CELF2: variants seen among roughly 807,000 people sequenced by gnomAD.
CELF2 encodes CUGBP Elav-like family member 2.
Under a neutral mutation model 62.6 loss-of-function variants are expected in CELF2, and 8 were observed. The ratio of observed to expected loss-of-function variants is 0.13; its 90% confidence interval spans 0.07 to 0.23. CELF2 has a LOEUF of 0.23. Ranked by LOEUF, CELF2 falls within the 10% of genes least tolerant of loss-of-function variation. The pLI, the probability that CELF2 is intolerant of heterozygous loss-of-function variation, is 1.00. For missense variants in CELF2, 333 were observed against 671.0 expected, an observed-to-expected ratio of 0.50 and a Z score of 5.56; for synonymous variants, 258 against 250.0, an observed-to-expected ratio of 1.03 and a Z score of -0.30.
intron 11 of CELF2, among the ~76,000 whole-genome samples, chr10:11,323,424 AAATAATAATAAT>A (rs57666869): frequency 2.0e-3 from 285 of 141,642 alleles, no homozygotes; most frequent in African/African-American, 5.9e-3. Context: ...GGCAGAGCAA[AAATAATAATAAT>A]AATAATAATA....
chr10:11,280,433 C>T lies in CELF2; in HGVS notation c.841+5313C>T, dbSNP rs1333060128. Among the ~76,000 whole-genome samples, 2 of 152,172 alleles carry T rather than the reference C, an allele frequency of 1.3e-5. No individual in the cohort carries two copies. Among genetic ancestry groups the T allele is most frequent in the Non-Finnish European group, 2.9e-5 (2 of 68,030 alleles). The stretch of plus-strand genomic sequence containing the variant: ...CCTTTCCCCAAAACCGTTTCTCCCC[C>T]GCATAGGAGGGGAAGGCAGGCAGGT... On this transcript the variant is annotated intron_variant, in intron 8 of 12. Transcript: ENST00000633077. This position sits in a 1 kb window ranked among gnomAD's most constrained non-coding sequence, Gnocchi z 7.6.
chr10:10,946,170 T>A (rs1311648653), intron 2 of CELF2: 1 of 152,570 alleles, frequency 6.6e-6, no homozygotes, highest in Non-Finnish European at 1.5e-5. Flanking sequence ...TTAAAACAGG[T>A]GGCTGTCATT....
rs1173937159 is a variant in CELF2, at chr10:11,211,590, T to G, written c.272-5835T>G. 2.0e-5 allele frequency among the ~76,000 whole-genome samples: 3 copies of G among 152,190 alleles called. No homozygotes were observed. Among genetic ancestry groups the G allele is most frequent in the African/African-American group, 7.2e-5 (3 of 41,446 alleles). On this transcript the variant is annotated intron_variant, in intron 2 of 12. Coordinates refer to ENST00000633077, the MANE Select transcript of CELF2 (RefSeq NM_001326342.2). This position sits in a 1 kb window ranked among gnomAD's most constrained non-coding sequence, Gnocchi z 4.8. ...AGTACATTTTTTTTTCCTGTGAGTA[T>G]TATTACCCAGAGTTTCCAAGTAAAG...
chr10:10,798,143 T>A (rs180891947), upstream of CELF2, among the ~76,000 whole-genome samples: 1 of 152,160 alleles, frequency 6.6e-6, no homozygotes, highest in Non-Finnish European at 1.5e-5. Context: ...CAGTAAAGTC[T>A]AGCTTGTTTG....
At position 11,290,861 on chromosome 10, in the gene CELF2, A is replaced by G. The variant is rs10905927; in HGVS notation, c.976+2309A>G. 0.45 allele frequency among the ~76,000 whole-genome samples: 68,505 copies of G among 152,108 alleles called. 17,632 individuals carry two copies. Among genetic ancestry groups the G allele is most frequent in the Non-Finnish European group, 0.59 (40,276 of 67,988 alleles). On this transcript the variant is annotated intron_variant, in intron 9 of 12. Transcript: ENST00000633077. The surrounding 1 kb of genome is among the most constrained non-coding windows in gnomAD (Gnocchi z 4.3). ...AGAATCCTAAAGTGTAGCAGCAGCA[A>G]TGATTGAAATCTACATTTCAATTAT...
chr10:11,327,276 T>G (rs1290352077), intron 12 of CELF2, among the ~76,000 whole-genome samples: 3 of 152,180 alleles, frequency 2.0e-5, no homozygotes, highest in Non-Finnish European at 4.4e-5. Flanking sequence ...AGGCTGACTT[T>G]TGTGTTTTTC....
chr10:10,587,184 G>A, the CELF2 span, among the ~76,000 whole-genome samples: 4 of 152,174 alleles, frequency 2.6e-5, no homozygotes, highest in African/African-American at 9.7e-5. Flanking sequence ...CAAGTAGAAG[G>A]AGAAAGCAAC....
At chr10:11,093,177 A>G (rs1236066301) in intron 1 of CELF2, among the ~76,000 whole-genome samples, 1 of 152,194 alleles carries the variant, frequency 6.6e-6, no homozygotes, top group Admixed American at 6.5e-5. Context: ...CTACAGAAGA[A>G]GAAGTTCATG....
At chr10:10,991,407 G>A (rs889125462) in intron 2 of CELF2, among the ~76,000 whole-genome samples, 2 of 152,158 alleles carry the variant, frequency 1.3e-5, no homozygotes. Context: ...GGATGATCCT[G>A]CTGAGAAGAC....
chr10:10,686,310 T>G, the CELF2 span, among the ~76,000 whole-genome samples: 9 of 69,812 alleles, frequency 1.3e-4, no homozygotes, highest in South Asian at 6.7e-4. Flanking sequence ...TTGGATTTTT[T>G]GGGGGGGGGG....
At chr10:10,745,045 G>A in the CELF2 span, among the ~76,000 whole-genome samples, 1 of 151,192 alleles carries the variant, frequency 6.6e-6, no homozygotes, top group African/African-American at 2.4e-5. Flanking sequence ...TATTCCTGCC[G>A]GAAACGTTTC....
chr10:10,941,004 G>A (rs1409252925), intron 2 of CELF2, among the ~76,000 whole-genome samples: 1 of 152,050 alleles, frequency 6.6e-6, no homozygotes, highest in Admixed American at 6.5e-5. Flanking sequence ...CTTATAGTCA[G>A]GGTGATCTTT....
intron 2 of CELF2, among the ~76,000 whole-genome samples, chr10:11,188,758 A>T (rs1299229457): frequency 6.6e-6 from 1 of 152,122 alleles, no homozygotes; most frequent in African/African-American, 2.4e-5. Flanking sequence ...CTCCTTGTAG[A>T]CTCAGATTAC....
intron 1 of CELF2, among the ~76,000 whole-genome samples, chr10:10,860,708 C>A (rs1259652335): frequency 6.6e-6 from 1 of 152,218 alleles, no homozygotes; most frequent in African/African-American, 2.4e-5. Flanking sequence ...CTTCACCCAA[C>A]AACGTGGCAG....
rs1225627213 is a variant in CELF2 at position 11,309,917 on chromosome 10, G to A, written c.977-4222G>A. ...ACAGAGCCCTTTGTTCTTGTGACCTGTCTCTCCCTGCTCTGGAGGTGGTGC... is the reference window on the plus strand; with the variant it reads ...ACAGAGCCCTTTGTTCTTGTGACCTATCTCTCCCTGCTCTGGAGGTGGTGC... On this transcript the variant is annotated intron_variant, in intron 9 of 12. Coordinates refer to ENST00000633077, the MANE Select transcript of CELF2 (RefSeq NM_001326342.2). The surrounding 1 kb of genome is among the most constrained non-coding windows in gnomAD (Gnocchi z 5.6). Among the ~76,000 whole-genome samples the A allele has an allele frequency of 6.6e-6, 1 of 152,222 alleles. No homozygotes were observed. Among genetic ancestry groups the A allele is most frequent in the Non-Finnish European group, 1.5e-5 (1 of 68,042 alleles).
intron 2 of CELF2, among the ~76,000 whole-genome samples, chr10:10,944,993 C>T (rs2047496746): frequency 6.6e-6 from 1 of 152,112 alleles, no homozygotes. Context: ...CCTGAGAAGG[C>T]AAGAGGGCAT....
intron 1 of CELF2, among the ~76,000 whole-genome samples, chr10:10,869,303 T>C (rs184328692): frequency 9.9e-5 from 15 of 152,224 alleles, no homozygotes; most frequent in East Asian, 5.8e-4. Flanking sequence ...GTGGCTCACA[T>C]CTGTAATCCC....
At chr10:10,605,207 T>A in the CELF2 span, among the ~76,000 whole-genome samples, 1 of 148,894 alleles carries the variant, frequency 6.7e-6, no homozygotes, top group Non-Finnish European at 1.5e-5. Flanking sequence ...CACATATAAG[T>A]GGGAGCTGAA....
chr10:10,772,010 A>G, the CELF2 span, among the ~76,000 whole-genome samples: 1 of 152,228 alleles, frequency 6.6e-6, no homozygotes, highest in African/African-American at 2.4e-5. Flanking sequence ...CTGAACGTAT[A>G]TGAAAACCTT....
Sources: gnomAD v4.1 joint callset for allele counts (sites outside exome capture counted in the v4.1 genomes callset) on GRCh38, gnomAD v4.1.1 for gene constraint, Gnocchi (gnomAD v3.1) non-coding constraint, MANE v1.5 for transcripts, NCBI Gene and HGNC (gene_info 2026-07-23, HGNC 2026-07-21) for gene names.